The following RABGAP1L variants were observed in gnomAD, a reference collection of about 807,000 sequenced individuals.
RABGAP1L encodes the protein rab GTPase-activating protein 1-like.
In RABGAP1L, 63 loss-of-function variants were observed where a neutral mutation model predicts 137.7. The observed-to-expected ratio is 0.46, with a 90% confidence interval of 0.37 to 0.56. The LOEUF is 0.56. Among genes scored for constraint, RABGAP1L ranks in the 20% least tolerant of loss-of-function variants. The pLI is 0.00. For missense variants in RABGAP1L, 1,095 were observed against 1,244.0 expected (o/e 0.88, Z 1.80); for synonymous variants, 431 against 433.7 (o/e 0.99, Z 0.08).
chr1:174,863,290 C>G (rs1650607198), intron 19 of RABGAP1L, among the ~76,000 whole-genome samples: 1 of 141,524 alleles, frequency 7.1e-6, no homozygotes, highest in African/African-American at 2.6e-5. Context: ...TTTCTCCCTT[C>G]AACCTCTTAG....
At chr1:174,825,262 CAG>C (rs775141560) in intron 19 of RABGAP1L, among the ~76,000 whole-genome samples, 1 of 152,110 alleles carries the variant, frequency 6.6e-6, no homozygotes, top group East Asian at 1.9e-4. Context: ...GGTGGTAAAA[CAG>C]TGTTCTGATA....
chr1:174,509,609 C>T (rs1285297841), intron 13 of RABGAP1L, among the ~76,000 whole-genome samples: 1 of 152,092 alleles, frequency 6.6e-6, no homozygotes, highest in African/African-American at 2.4e-5. Context: ...CCTTGGTAAA[C>T]CTTTATTCCT....
chr1:174,958,350 C>T (rs994448811), intron 20 of RABGAP1L, among the ~76,000 whole-genome samples: 6 of 152,290 alleles, frequency 3.9e-5, no homozygotes, highest in African/African-American at 1.4e-4. Flanking sequence ...TCCCAGGATG[C>T]AAAGTTGGGA....
At chr1:174,292,444 A>G (rs1466573241) in intron 10 of RABGAP1L, among the ~76,000 whole-genome samples, 1 of 143,454 alleles carries the variant, frequency 7.0e-6, no homozygotes, top group Non-Finnish European at 1.5e-5. Context: ...GAACCTTAAT[A>G]TATTGTGTGT....
intron 1 of RABGAP1L, among the ~76,000 whole-genome samples, chr1:174,181,592 C>T (rs1666373281): frequency 6.6e-6 from 1 of 152,134 alleles, no homozygotes; most frequent in Non-Finnish European, 1.5e-5. Flanking sequence ...CCACCTCGGC[C>T]TCCCAAAGTG....
intron 15 of RABGAP1L, among the ~76,000 whole-genome samples, chr1:174,685,551 C>CTTTCTTTCTTTCTTTATTTA (rs112033205): frequency 6.9e-6 from 1 of 144,970 alleles, no homozygotes; most frequent in African/African-American, 2.6e-5. Flanking sequence ...CCGCGCCGGC[C>CTTTCTTTCTTTCTTTATTTA]TTTATTTATT....
chr1:174,895,159 G>T (rs991312550), intron 19 of RABGAP1L, among the ~76,000 whole-genome samples: 1 of 152,190 alleles, frequency 6.6e-6, no homozygotes, highest in Non-Finnish European at 1.5e-5. Flanking sequence ...GGTCAAATAA[G>T]TAAATGAAAT....
rs181197776 is a variant in RABGAP1L at position 174,362,009 on chromosome 1, C to G, written c.1466-8970C>G. Among the ~76,000 whole-genome samples, 4 of 152,288 alleles carry G rather than the reference C, an allele frequency of 2.6e-5. No homozygotes were observed. The East Asian group carries it at 7.7e-4, about 29-fold the overall frequency. On this transcript the variant is annotated intron_variant, in intron 11 of 25. Transcript: ENST00000681986. ...CCCATGTGTTCTCACCATTCAGCTC[C>G]CACTTACAAGTGAGAACATGCACTA... is the stretch of plus-strand genomic sequence containing the variant.
At chr1:174,617,788 G>A (rs147059590) in intron 13 of RABGAP1L, among the ~76,000 whole-genome samples, 85 of 152,294 alleles carry the variant, frequency 5.6e-4, no homozygotes, top group Non-Finnish European at 9.1e-4. Flanking sequence ...ATCTCCCAGC[G>A]TGAGCGACGC....
chr1:174,191,698 C>T (rs1667222506), intron 1 of RABGAP1L, among the ~76,000 whole-genome samples: 1 of 152,132 alleles, frequency 6.6e-6, no homozygotes, highest in Non-Finnish European at 1.5e-5. Context: ...CTTATAACTG[C>T]TTGGTATGCT....
chr1:174,162,777 G>GTTTTTTTTTTTTTTTTTTTTTTTTTTTTT (rs67811794), intron 1 of RABGAP1L, among the ~76,000 whole-genome samples: 13 of 51,554 alleles, frequency 2.5e-4, no homozygotes, highest in African/African-American at 4.0e-4. Context: ...TTCTCTTTCT[G>GTTTTTTTTTTTTTTTTTTTTTTTTTTTTT]TTTTTTTTTT....
chr1:174,699,576 G>C lies in RABGAP1L; in HGVS notation c.1951G>C (p.Gly651Arg), dbSNP rs757548416. ...TTTGGTGAAAATCATGTACGACTAT[G>C]GTTTGAGAGACCTCTACAGAAACAA... ...CVLVKIMYDYGLRDLYRNNFE... is the reference protein window; with the variant it reads ...CVLVKIMYDYRLRDLYRNNFE... The change falls in exon 16 of 26, where the codon GGT becomes CGT. Residue 651 changes from glycine (G) to arginine (R), a missense_variant. Gly to Arg is a moderately radical substitution (Grantham distance 125). Around this residue, in one of 4 missense-constraint regions of RABGAP1L, gnomAD observed 315 missense variants for 324.8 expected, o/e 0.97. Transcript: ENST00000681986. 2 of 1,611,388 alleles carry C rather than the reference G, an allele frequency of 1.2e-6. No individual in the cohort carries two copies. The highest frequency in any genetic ancestry group is 2.2e-5 in the East Asian group (1 of 44,824).
At chr1:174,548,808 C>T (rs1666221481) in intron 13 of RABGAP1L, among the ~76,000 whole-genome samples, 4 of 152,090 alleles carry the variant, frequency 2.6e-5, no homozygotes, top group African/African-American at 9.7e-5. Flanking sequence ...TTAAGTAACA[C>T]TAAAAGTATA....
chr1:174,335,855 G>A lies in RABGAP1L; in HGVS notation c.1465+30728G>A, dbSNP rs575914554. Reference sequence around the variant, plus strand: ...TGTAACAAATATTTGTGTACCTGCTGTATTTTTAGCACTATGCTTGATTCT... The same window carrying A: ...TGTAACAAATATTTGTGTACCTGCTATATTTTTAGCACTATGCTTGATTCT... On this transcript the variant is annotated intron_variant, in intron 11 of 25. Coordinates refer to ENST00000681986, the MANE Select transcript of RABGAP1L (RefSeq NM_001366446.1). Among the ~76,000 whole-genome samples the A allele has an allele frequency of 3.9e-5, 6 of 152,284 alleles. No homozygotes were observed. In the South Asian group the frequency reaches 1.2e-3, roughly 32 times the overall value.
chr1:174,974,225 C>T (rs777343046), intron 21 of RABGAP1L, among the ~76,000 whole-genome samples: 2 of 151,652 alleles, frequency 1.3e-5, no homozygotes, highest in African/African-American at 2.4e-5. Flanking sequence ...CTCCTGACCT[C>T]GTGATCAGCC....
chr1:174,562,921 T>C (rs1335167723), intron 13 of RABGAP1L, among the ~76,000 whole-genome samples: 3 of 152,062 alleles, frequency 2.0e-5, no homozygotes, highest in African/African-American at 7.3e-5. Context: ...GGTTGTTGGG[T>C]GCAGCAAACC....
At chr1:174,664,734 C>CTTTTTTTTTTTTTTT (rs71701825) in intron 14 of RABGAP1L, among the ~76,000 whole-genome samples, 4 of 97,572 alleles carry the variant, frequency 4.1e-5, no homozygotes, top group African/African-American at 1.0e-4. Flanking sequence ...TTTCTGCTTT[C>CTTTTTTTTTTTTTTT]TTTTTTTTTT....
chr1:174,388,873 T>C (rs1316276901), intron 12 of RABGAP1L, among the ~76,000 whole-genome samples: 3 of 152,108 alleles, frequency 2.0e-5, no homozygotes, highest in Admixed American at 6.5e-5. Context: ...GTCATTCTTT[T>C]TTATTGAGTA....
intron 18 of RABGAP1L, among the ~76,000 whole-genome samples, chr1:174,770,723 C>T (rs1393993310): frequency 1.3e-5 from 2 of 152,184 alleles, no homozygotes; most frequent in Non-Finnish European, 2.9e-5. Flanking sequence ...CTGCTTTGCT[C>T]TTGTCTTTAA....
Sources: allele counts gnomAD v4.1 joint callset (sites outside exome capture counted in the v4.1 genomes callset), GRCh38; gene constraint gnomAD v4.1.1; regional missense constraint gnomAD v4.1.1; transcripts MANE v1.5; gene names NCBI Gene and HGNC (gene_info 2026-07-23, HGNC 2026-07-21).